Variants in CHCHD4 observed in about 807,000 individuals in gnomAD.
CHCHD4 encodes the protein coiled-coil-helix-coiled-coil-helix domain containing 4.
In CHCHD4, 7 loss-of-function variants were observed where a neutral mutation model predicts 12.4. The ratio of observed to expected loss-of-function variants is 0.57; its 90% CI spans 0.32 to 1.06. The LOEUF is 1.06. Among genes scored for constraint, CHCHD4 ranks in the 50% least tolerant of loss-of-function variants. The pLI is 0.04. For synonymous variants in CHCHD4, 56 were observed against 58.0 expected, an observed-to-expected ratio of 0.97 and a Z score of 0.16; for missense variants, 143 against 175.1, an observed-to-expected ratio of 0.82 and a Z score of 1.03.
At chr3:14,121,904 T>C in intron 1 of CHCHD4, 1 of 1,614,204 alleles carries the variant, frequency 6.2e-7, no homozygotes, top group Non-Finnish European at 8.5e-7. Context: ...GTTAGAAGTT[T>C]AGCTCAACAA....
intron 2 of CHCHD4, among the ~76,000 whole-genome samples, chr3:14,115,554 C>T (rs1276733326): frequency 6.6e-6 from 1 of 152,206 alleles, no homozygotes; most frequent in East Asian, 1.9e-4. Flanking sequence ...TCCCACTGCT[C>T]CCACTGGGTG....
chr3:14,118,335 A>T (rs1694897363), intron 1 of CHCHD4, among the ~76,000 whole-genome samples: 1 of 152,208 alleles, frequency 6.6e-6, no homozygotes, highest in South Asian at 2.1e-4. Context: ...CTTTTTGTTT[A>T]TATTTAGAAA....
intron 1 of CHCHD4, among the ~76,000 whole-genome samples, chr3:14,122,615 C>T (rs773410519): frequency 6.6e-6 from 1 of 152,186 alleles, no homozygotes; most frequent in African/African-American, 2.4e-5. Context: ...TCACTCAGAA[C>T]AGAGGGCAGG....
Position 14,124,645 on chromosome 3 carries a change from C to T in CHCHD4, c.22+10G>A, listed in dbSNP as rs777571227. 2.4e-5 allele frequency: 37 copies of T among 1,516,186 alleles called. No homozygotes were observed. The highest frequency in any genetic ancestry group is 7.1e-6 in the Non-Finnish European group (8 of 1,134,426). The allele number at this position is 1,516,186 out of a possible 1,614,324, so 93.9% of individuals were successfully genotyped here. A position where few individuals can be genotyped will look rare whatever the true frequency, so the allele number is the denominator to read the frequency against. On this transcript the variant is annotated intron_variant, in intron 1 of 2. Transcript: ENST00000396914. ...GTAGGCCGGTCTCCGTGGCAGCCCG[C>T]CCTCCCTACCTTCCTGCCGGCAATA...
intron 1 of CHCHD4, among the ~76,000 whole-genome samples, chr3:14,122,732 G>A (rs1694949608): frequency 6.6e-6 from 1 of 152,224 alleles, no homozygotes. Context: ...AGTGCGAGAA[G>A]ACAGGCAGGA....
intron 2 of CHCHD4, among the ~76,000 whole-genome samples, chr3:14,115,954 T>C (rs1016832435): frequency 1.3e-5 from 2 of 152,090 alleles, no homozygotes; most frequent in Non-Finnish European, 2.9e-5. Flanking sequence ...GCAACAGCTC[T>C]GACTAGGTTA....
intron 1 of CHCHD4, among the ~76,000 whole-genome samples, chr3:14,120,780 G>A (rs1019205577): frequency 1.3e-5 from 2 of 152,172 alleles, no homozygotes; most frequent in Non-Finnish European, 2.9e-5. Context: ...CTCTGGATTA[G>A]GGCTTGAAGA....
chr3:14,116,538 A>G lies in CHCHD4; in HGVS notation c.23-14T>C. The G allele has an allele frequency of 6.4e-7, 1 of 1,567,022 alleles. No individual in the cohort carries two copies. The highest frequency in any genetic ancestry group is 8.8e-7 in the Non-Finnish European group (1 of 1,136,654). On this transcript the variant is annotated splice_polypyrimidine_tract_variant and intron_variant, in intron 1 of 2. Coordinates refer to ENST00000396914, the MANE Select transcript of CHCHD4 (RefSeq NM_001098502.2). Reference sequence around the variant, plus strand: ...TTCGATCCTTCCCTAGTGTTTGGAGAACAGAGGAAGAAATATTTCATTCAA... The same window carrying G: ...TTCGATCCTTCCCTAGTGTTTGGAGGACAGAGGAAGAAATATTTCATTCAA...
intron 1 of CHCHD4, chr3:14,122,077 T>G: frequency 6.3e-7 from 1 of 1,596,642 alleles, no homozygotes; most frequent in Non-Finnish European, 8.5e-7. Flanking sequence ...GGAACCATCC[T>G]GGGCAAAGCC....
intron 1 of CHCHD4, chr3:14,121,928 C>T (rs1290323395): frequency 6.2e-7 from 1 of 1,614,038 alleles, no homozygotes; most frequent in Non-Finnish European, 8.5e-7. Flanking sequence ...TTCCTCAGCT[C>T]CAGCTCTGTG....
In CHCHD4 at chr3:14,116,252, C is replaced by T. The variant is rs151114996; in HGVS notation, c.121+174G>A. On this transcript the variant is annotated intron_variant, in intron 2 of 2. Coordinates refer to ENST00000396914, the MANE Select transcript of CHCHD4 (RefSeq NM_001098502.2). ...TACATCAGAACAAGGCTGGAAAGCA[C>T]AGTCCCTCAAACCTCTGAGGAAGAT... Among the ~76,000 whole-genome samples, 1,210 of 152,340 alleles carry T rather than the reference C, an allele frequency of 7.9e-3. 22 individuals are homozygous for T. Among genetic ancestry groups the T allele is most frequent in the African/African-American group, 0.027 (1,102 of 41,562 alleles).
intron 1 of CHCHD4, among the ~76,000 whole-genome samples, 186 bp from the exon 2 acceptor site, chr3:14,116,710 G>A (rs777898548): frequency 3.3e-5 from 5 of 152,098 alleles, no homozygotes; most frequent in Non-Finnish European, 5.9e-5. Context: ...TAAGGGGCAG[G>A]GCAGGAAAAG....
intron 1 of CHCHD4, among the ~76,000 whole-genome samples, chr3:14,122,501 G>A (rs1694946136): frequency 6.6e-6 from 1 of 152,226 alleles, no homozygotes; most frequent in South Asian, 2.1e-4. Flanking sequence ...CTAGCCCAAG[G>A]CCCAGGTGCG....
At chr3:14,122,118 T>C in intron 1 of CHCHD4, 1 of 1,545,328 alleles carries the variant, frequency 6.5e-7, no homozygotes, top group South Asian at 1.2e-5. Context: ...TTAAGTAGTG[T>C]TCGCTCACAC....
intron 1 of CHCHD4, chr3:14,121,765 T>C: frequency 7.2e-7 from 1 of 1,382,666 alleles, no homozygotes; most frequent in Non-Finnish European, 9.9e-7. Context: ...GTTTGATAAA[T>C]CTGACTGCTA....
chr3:14,112,777 T>C lies in CHCHD4; in HGVS notation c.*110A>G, dbSNP rs1694834505. On this transcript the variant is annotated 3_prime_UTR_variant, in exon 3 of 3. Transcript: ENST00000396914. ...GATCATCAAAATAAGTTATTTTGTATATTATAATGCACAGGACAACAGAAG... is the reference window on the plus strand; with the variant it reads ...GATCATCAAAATAAGTTATTTTGTACATTATAATGCACAGGACAACAGAAG... 2.0e-6 allele frequency: 2 copies of C among 982,802 alleles called. No homozygotes were observed. Among genetic ancestry groups the C allele is most frequent in the East Asian group, 2.6e-5 (1 of 38,374 alleles). The allele number at this position is 982,802 out of a possible 1,614,324, so 60.9% of individuals were successfully genotyped here. A position where few individuals can be genotyped will look rare whatever the true frequency, so the allele number is the denominator to read the frequency against.
chr3:14,120,326 A>G (rs145499702), intron 1 of CHCHD4, among the ~76,000 whole-genome samples: 3 of 152,160 alleles, frequency 2.0e-5, no homozygotes, highest in East Asian at 1.9e-4. Flanking sequence ...ATACATCCAG[A>G]AAGAGCTGCA....
At chr3:14,115,180 A>C (rs1694862894) in intron 2 of CHCHD4, among the ~76,000 whole-genome samples, 1 of 152,134 alleles carries the variant, frequency 6.6e-6, no homozygotes, top group South Asian at 2.1e-4. Flanking sequence ...CTTTTTACAA[A>C]GTATTCACTA....
Position 14,113,079 on chromosome 3 carries a change from C to T in CHCHD4, c.237G>A (p.Thr79=), listed in dbSNP as rs1185032874. Residue 79 remains threonine (T), a synonymous_variant, in exon 3 of 3, where the codon ACG becomes ACA. Coordinates refer to ENST00000396914, the MANE Select transcript of CHCHD4 (RefSeq NM_001098502.2). The part of the protein sequence containing the change: ...KSAFSCFHYS[T]EEIKGSDCVD... ...CACAGTCTGACCCCTTGATCTCCTC[C>T]GTGCTATAGTGGAAGCAGGAAAAGG... 3.1e-6 allele frequency: 5 copies of T among 1,614,108 alleles called. No individual in the cohort carries two copies. The highest frequency in any genetic ancestry group is 1.7e-5 in the Admixed American group (1 of 60,012).
Sources: gnomAD v4.1 joint callset for allele counts (sites outside exome capture counted in the v4.1 genomes callset) on GRCh38, gnomAD v4.1.1 for gene constraint, MANE v1.5 for transcripts, NCBI Gene and HGNC (gene_info 2026-07-23, HGNC 2026-07-21) for gene names.